Variants in RIMS2 observed in about 807,000 individuals in gnomAD.
RIMS2 encodes regulating synaptic membrane exocytosis protein 2.
In RIMS2, 59 loss-of-function variants were observed where a neutral mutation model predicts 174.4. That is an observed-to-expected ratio of 0.34 (90% CI 0.27 to 0.42). RIMS2 has a LOEUF of 0.42. Ranked by LOEUF, RIMS2 falls within the 10% of genes least tolerant of loss-of-function variation. The pLI, the probability that RIMS2 is intolerant of heterozygous loss-of-function variation, is 1.00. For missense variants in RIMS2, 1,620 were observed against 1,666.3 expected (o/e 0.97, Z 0.48); for synonymous variants, 606 against 572.5 (o/e 1.06, Z -0.84).
chr8:103,874,692 A>G (rs754450548), intron 3 of RIMS2, among the ~76,000 whole-genome samples: 7 of 152,128 alleles, frequency 4.6e-5, no homozygotes, highest in African/African-American at 1.7e-4. Context: ...TGTTAAAAAC[A>G]TATCCACATT....
At chr8:104,024,132 G>A (rs544705369) in intron 19 of RIMS2, among the ~76,000 whole-genome samples, 3 of 152,260 alleles carry the variant, frequency 2.0e-5, no homozygotes, top group South Asian at 2.1e-4. Flanking sequence ...ATCTAGAGCC[G>A]TGAGGAGAGG....
At chr8:104,208,713 A>G (rs560710959) in intron 19 of RIMS2, among the ~76,000 whole-genome samples, 6 of 152,328 alleles carry the variant, frequency 3.9e-5, no homozygotes, top group Admixed American at 3.3e-4. Context: ...GTCCTGTGGG[A>G]TAATAAAGAA....
At chr8:103,949,144 A>AAAAAAAAAAAAAGG (rs1555024083) in intron 14 of RIMS2, among the ~76,000 whole-genome samples, 1 of 138,414 alleles carries the variant, frequency 7.2e-6, no homozygotes, top group African/African-American at 2.7e-5. Flanking sequence ...AAAAAAAAAA[A>AAAAAAAAAAAAAGG]AAAGGGAAAG....
chr8:104,245,189 A>G, intron 20 of RIMS2, 132 bp downstream of exon 26: 1 of 877,798 alleles, frequency 1.1e-6, no homozygotes, highest in Non-Finnish European at 1.7e-6. Context: ...TTTCCTGTGA[A>G]GAGAACTTTG....
intron 11 of RIMS2, 133 bp from the exon 14 acceptor site, chr8:103,931,130 C>T: frequency 1.7e-6 from 1 of 578,514 alleles, no homozygotes; most frequent in Non-Finnish European, 2.9e-6. Flanking sequence ...TTTTAACTAG[C>T]CACAATTTAC....
intron 3 of RIMS2, among the ~76,000 whole-genome samples, chr8:103,856,827 G>C (rs1307482902): frequency 6.6e-6 from 1 of 150,688 alleles, no homozygotes; most frequent in Non-Finnish European, 1.5e-5. Context: ...TTTTCTTTGA[G>C]AAGGAGTCTC....
At chr8:103,885,529 T>C in exon 4 of RIMS2, 1 of 1,611,900 alleles carries the variant, frequency 6.2e-7, no homozygotes, top group Non-Finnish European at 8.5e-7. Context: ...ATATTGTAGA[T>C]GATGAGGATG....
At chr8:103,603,281 A>G (rs2094857054) in intron 1 of RIMS2, among the ~76,000 whole-genome samples, 1 of 151,668 alleles carries the variant, frequency 6.6e-6, no homozygotes, top group Admixed American at 6.6e-5. Flanking sequence ...GTTTACTGAG[A>G]ATGATGCTTT....
In RIMS2 at chr8:103,979,230, T is replaced by C. The variant is rs1409901301; in HGVS notation, c.2927+3724T>C. Among the ~76,000 whole-genome samples, 11 of 152,096 alleles carry C rather than the reference T, an allele frequency of 7.2e-5. No individual in the cohort carries two copies. In the East Asian group the frequency reaches 2.1e-3, roughly 29 times the overall value. On this transcript the variant is annotated intron_variant, in intron 16 of 23. Transcript: ENST00000504942. ...TTTAGGAAATTTTTACCTTAAAGGGTATTCATCAAAAAATAGGGATGCTTC... is the reference window on the plus strand; with the variant it reads ...TTTAGGAAATTTTTACCTTAAAGGGCATTCATCAAAAAATAGGGATGCTTC...
intron 1 of RIMS2, among the ~76,000 whole-genome samples, chr8:103,600,656 T>C (rs2094692221): frequency 6.6e-6 from 1 of 152,206 alleles, no homozygotes. Flanking sequence ...ACAACAAACA[T>C]AGGAGTGCAG....
At chr8:103,720,617 A>G (rs1471810457) in intron 2 of RIMS2, among the ~76,000 whole-genome samples, 3 of 152,330 alleles carry the variant, frequency 2.0e-5, no homozygotes, top group African/African-American at 7.2e-5. Context: ...TTGTATTGTA[A>G]ACCTGACGAA....
intron 3 of RIMS2, among the ~76,000 whole-genome samples, chr8:103,828,642 C>T (rs10955329): frequency 0.4 from 60,993 of 151,630 alleles, 12,695 homozygotes; most frequent in African/African-American, 0.44. Context: ...TGTCATGAAA[C>T]CTTTGTCAGG....
intron 1 of RIMS2, among the ~76,000 whole-genome samples, chr8:103,596,000 A>G (rs2094465800): frequency 6.6e-6 from 1 of 151,932 alleles, no homozygotes; most frequent in South Asian, 2.1e-4. Context: ...TGGCTAATTC[A>G]TGGATTGTAG....
chr8:103,663,150 CAG>C (rs2096624724), intron 1 of RIMS2, among the ~76,000 whole-genome samples: 1 of 150,246 alleles, frequency 6.7e-6, no homozygotes, highest in African/African-American at 2.5e-5. Flanking sequence ...GCCTGGGTGA[CAG>C]AGTGTGAGAT....
chr8:104,004,794 A>G (rs1421500272), intron 17 of RIMS2, among the ~76,000 whole-genome samples: 1 of 152,184 alleles, frequency 6.6e-6, no homozygotes, highest in Non-Finnish European at 1.5e-5. Flanking sequence ...TTTTGTGAAC[A>G]GAAAGAAGCT....
intron 19 of RIMS2, among the ~76,000 whole-genome samples, chr8:104,198,814 A>G (rs2099038815): frequency 6.6e-6 from 1 of 152,100 alleles, no homozygotes; most frequent in African/African-American, 2.4e-5. Context: ...TTCCACCACC[A>G]TCTTCTTAGG....
At chr8:103,900,327 G>A (rs957413162) in intron 4 of RIMS2, among the ~76,000 whole-genome samples, 9 of 151,592 alleles carry the variant, frequency 5.9e-5, no homozygotes, top group Non-Finnish European at 7.4e-5. Flanking sequence ...GGGTTCAAGC[G>A]ATTCTCCTGC....
chr8:103,826,316 A>G (rs1383859223), intron 3 of RIMS2, among the ~76,000 whole-genome samples: 4 of 148,826 alleles, frequency 2.7e-5, no homozygotes, highest in Admixed American at 6.7e-5. Flanking sequence ...AAGTCAGGCA[A>G]CTATCTTTTT....
At chr8:104,184,914 A>C (rs2098960104) in intron 19 of RIMS2, among the ~76,000 whole-genome samples, 1 of 105,674 alleles carries the variant, frequency 9.5e-6, no homozygotes, top group Non-Finnish European at 1.9e-5. Context: ...TTCTAGCAAA[A>C]ATTTATAATA....
Sources: allele counts gnomAD v4.1 joint callset (sites outside exome capture counted in the v4.1 genomes callset), GRCh38; gene constraint gnomAD v4.1.1; transcripts MANE v1.5; gene names NCBI Gene and HGNC (gene_info 2026-07-23, HGNC 2026-07-21).